The following CFAP97 variants were observed in gnomAD, a reference collection of about 807,000 sequenced individuals.
CFAP97 encodes cilia- and flagella-associated protein 97.
In CFAP97, 36 loss-of-function variants were observed where a neutral mutation model predicts 43.1. The ratio of observed to expected loss-of-function variants is 0.84; its 90% CI spans 0.64 to 1.10. The LOEUF (loss-of-function observed/expected upper bound fraction) is 1.10, where lower values mean the gene tolerates loss of function less well. CFAP97 is among the 50% of genes least tolerant of loss of function. The pLI is 0.00. For missense variants in CFAP97, 657 were observed against 620.3 expected (o/e 1.06, Z -0.63); for synonymous variants, 228 against 225.7 (o/e 1.01, Z -0.09).
chr4:185,183,146 T>A (rs1490101043), intron 2 of CFAP97, among the ~76,000 whole-genome samples: 1 of 152,156 alleles, frequency 6.6e-6, no homozygotes, highest in Non-Finnish European at 1.5e-5. Flanking sequence ...TTGATGTGGT[T>A]GGCTATACAG....
At chr4:185,188,193 C>T (rs529150028) in intron 2 of CFAP97, among the ~76,000 whole-genome samples, 102 of 152,068 alleles carry the variant, frequency 6.7e-4, no homozygotes, top group African/African-American at 2.3e-3. Flanking sequence ...CGTGCTCGGC[C>T]GCTATTATTA....
intron 1 of CFAP97, among the ~76,000 whole-genome samples, chr4:185,194,345 C>A (rs145346190): frequency 6.6e-6 from 1 of 152,186 alleles, no homozygotes; most frequent in South Asian, 2.1e-4. Flanking sequence ...AAAAATTAGC[C>A]GGGTGTGGCA....
At chr4:185,198,102 T>C (rs556014658) in intron 1 of CFAP97, among the ~76,000 whole-genome samples, 34 of 152,258 alleles carry the variant, frequency 2.2e-4, no homozygotes, top group African/African-American at 7.7e-4. Context: ...GTAAAGACGA[T>C]GTAGAAATCT....
intron 3 of CFAP97, among the ~76,000 whole-genome samples, chr4:185,171,570 G>A (rs182679304): frequency 4.3e-4 from 65 of 152,178 alleles, no homozygotes; most frequent in Non-Finnish European, 7.4e-4. Flanking sequence ...ACATTTAAAA[G>A]AATGAAATAA....
rs1423366983 is a variant in CFAP97, at chr4:185,162,918, G to A, written c.1479C>T (p.Ser493=). Reference sequence around the variant, plus strand: ...GACCACTCGTAGCACTGGATGTCCTGGAAGCTCCTGAAAATATAAAAAGAA... The same window carrying A: ...GACCACTCGTAGCACTGGATGTCCTAGAAGCTCCTGAAAATATAAAAAGAA... ...TLGQYSPLRA[S]RTSSATSGLS... Residue 493 remains serine (S), a synonymous_variant, in exon 5 of 5, where the codon TCC becomes TCT. Coordinates refer to ENST00000458385, the MANE Select transcript of CFAP97 (RefSeq NM_020827.3). 6.4e-7 allele frequency: 1 copy of A among 1,560,792 alleles called. No homozygotes were observed. The highest frequency in any genetic ancestry group is 2.2e-5 in the Admixed American group (1 of 45,790).
chr4:185,189,049 C>T (rs1482385061), intron 2 of CFAP97, among the ~76,000 whole-genome samples: 1 of 152,074 alleles, frequency 6.6e-6, no homozygotes, highest in African/African-American at 2.4e-5. Flanking sequence ...GCAGCCCGCG[C>T]AGCATAGTGA....
chr4:185,165,335 T>C (rs749353202), intron 3 of CFAP97, among the ~76,000 whole-genome samples: 13 of 148,434 alleles, frequency 8.8e-5, no homozygotes, highest in Non-Finnish European at 6.0e-5. Context: ...TATATACCAA[T>C]TGGCCAAGGC....
At chr4:185,168,164 T>C (rs1735143227) in intron 3 of CFAP97, among the ~76,000 whole-genome samples, 1 of 152,262 alleles carries the variant, frequency 6.6e-6, no homozygotes, top group Non-Finnish European at 1.5e-5. Context: ...CTTCCTTACA[T>C]TGCTCATAAC....
Position 185,176,065 on chromosome 4 carries a change from C to CAAAA in CFAP97, c.1055-18_1055-15dup. On this transcript the variant is annotated splice_polypyrimidine_tract_variant and intron_variant, in intron 2 of 4. Coordinates refer to ENST00000458385, the MANE Select transcript of CFAP97 (RefSeq NM_020827.3). ...ATTGCAGAAAAGCTACAGAAAAGAA[C>CAAAA]AAAAAAAAAAGAGAAAATGGCCAAA... 7.5e-7 allele frequency: 1 copy of CAAAA among 1,329,586 alleles called. No homozygotes were observed. Among genetic ancestry groups the CAAAA allele is most frequent in the Non-Finnish European group, 1.0e-6 (1 of 1,000,354 alleles). The allele number at this position is 1,329,586 out of a possible 1,614,324, so 82.4% of individuals were successfully genotyped here.
chr4:185,207,966 GGTT>G (rs1178169095), upstream of CFAP97, among the ~76,000 whole-genome samples: 1 of 152,078 alleles, frequency 6.6e-6, no homozygotes, highest in Non-Finnish European at 1.5e-5. Context: ...ACATAGATTT[GGTT>G]GTTGTTGATA....
At chr4:185,196,871 G>T (rs1736570988) in intron 1 of CFAP97, among the ~76,000 whole-genome samples, 1 of 152,066 alleles carries the variant, frequency 6.6e-6, no homozygotes, top group Non-Finnish European at 1.5e-5. Flanking sequence ...AAGCTGAGGT[G>T]AATGGATTAT....
chr4:185,208,996 AAAAAC>A (rs781325338), upstream of CFAP97, among the ~76,000 whole-genome samples: 3 of 152,290 alleles, frequency 2.0e-5, no homozygotes, highest in Admixed American at 6.5e-5. Context: ...GTAAAAAACA[AAAAAC>A]AAAACAAAAC....
rs756602081 is a variant in CFAP97 at position 185,190,713 on chromosome 4, T to C, written c.484A>G (p.Ile162Val). 9 of 1,571,858 alleles carry C rather than the reference T, an allele frequency of 5.7e-6. No homozygotes were observed. The highest frequency in any genetic ancestry group is 8.6e-7 in the Non-Finnish European group (1 of 1,156,786). ...CTAACTTTGCAATACTTTTTCCTTA[T>C]GCTTTTTTTAACGTTAGTAGATGGT... is the stretch of plus-strand genomic sequence containing the variant. The part of the protein sequence containing the change: ...AKPSTNVKKS[I>V]RKKYCKVSSS... Residue 162 changes from isoleucine (I) to valine (V), a missense_variant, in exon 2 of 5, where the codon ATA (isoleucine) becomes GTA (valine). Physicochemically the swap from Ile to Val is conservative, Grantham distance 29. Transcript: ENST00000458385.
At chr4:185,207,627 TG>T (rs1187451259), upstream of CFAP97, 1 of 152,330 alleles carries the variant, frequency 6.6e-6, no homozygotes, top group East Asian at 1.9e-4. Context: ...GGAAGCATCA[TG>T]GCATAGCGAT....
upstream of CFAP97, among the ~76,000 whole-genome samples, chr4:185,206,044 C>T (rs1002812427): frequency 1.3e-5 from 2 of 152,080 alleles, no homozygotes; most frequent in Non-Finnish European, 2.9e-5. Flanking sequence ...AGATCGAAAC[C>T]CTTATGCATT....
intron 1 of CFAP97, among the ~76,000 whole-genome samples, chr4:185,199,838 A>AG (rs1736744059): frequency 2.0e-5 from 3 of 150,252 alleles, no homozygotes; most frequent in Admixed American, 6.8e-5. Flanking sequence ...CAGACAAAAA[A>AG]TTCAAAATAT....
chr4:185,198,690 G>C (rs1228609933), intron 1 of CFAP97, among the ~76,000 whole-genome samples: 1 of 151,734 alleles, frequency 6.6e-6, no homozygotes, highest in East Asian at 1.9e-4. Context: ...AGAGGAGGCT[G>C]AGGCAGGAGA....
At position 185,190,406 on chromosome 4, in the gene CFAP97, C is replaced by T. The variant is rs1468404449; in HGVS notation, c.791G>A (p.Ser264Asn). ...DVSPLSTPDI[S>N]PLQSFELGIA... is the part of the protein sequence containing the mutation. ...GCCCAGTTCAAAAGACTGAAGAGGG[C>T]TAATGTCTGGAGTTGATAAGGGACT... Residue 264 changes from serine to asparagine, a missense_variant, in exon 2 of 5, where the codon AGC becomes AAC. Transcript: ENST00000458385. 1 of 1,613,022 alleles carries T rather than the reference C, an allele frequency of 6.2e-7. No individual in the cohort carries two copies. The highest frequency in any genetic ancestry group is 8.5e-7 in the Non-Finnish European group (1 of 1,179,366).
At position 185,162,705 on chromosome 4, in the gene CFAP97, C is replaced by A; in HGVS notation, c.*93G>T. On this transcript the variant is annotated 3_prime_UTR_variant, in exon 5 of 5. Transcript: ENST00000458385. Reference sequence around the variant, plus strand: ...TGTTGTACACCTTCAATTGCTAAAACGGTATTCTAGATGTTTACACAGAGA... The same window carrying A: ...TGTTGTACACCTTCAATTGCTAAAAAGGTATTCTAGATGTTTACACAGAGA... 1 of 1,340,870 alleles carries A rather than the reference C, an allele frequency of 7.5e-7. No individual in the cohort carries two copies. The allele number at this position is 1,340,870 out of a possible 1,614,324, so 83.1% of individuals were successfully genotyped here.
Sources: gnomAD v4.1 joint callset for allele counts (sites outside exome capture counted in the v4.1 genomes callset) on GRCh38, gnomAD v4.1.1 for gene constraint, MANE v1.5 for transcripts, NCBI Gene and HGNC (gene_info 2026-07-23, HGNC 2026-07-21) for gene names.